The following PRKN variants were observed in gnomAD, a reference collection of about 807,000 sequenced individuals.
PRKN encodes parkin RBR E3 ubiquitin protein ligase.
In PRKN, 56 loss-of-function variants were observed where a neutral mutation model predicts 59.5. The observed-to-expected ratio is 0.94, with a 90% confidence interval of 0.76 to 1.18. PRKN has a LOEUF of 1.18. Ranked by LOEUF, PRKN falls within the 50% of genes most tolerant of loss-of-function variation. The pLI, the probability that PRKN is intolerant of heterozygous loss-of-function variation, is 0.00. For missense variants in PRKN, 657 were observed against 596.4 expected (o/e 1.10, Z -1.06); for synonymous variants, 250 against 222.1 (o/e 1.13, Z -1.12).
chr6:162,288,281 T>A (rs1461157022), intron 2 of PRKN, among the ~76,000 whole-genome samples: 1 of 152,034 alleles, frequency 6.6e-6, no homozygotes, highest in East Asian at 1.9e-4. Flanking sequence ...TAGGCAGCGG[T>A]CTAAGGTAGC....
intron 1 of PRKN, among the ~76,000 whole-genome samples, chr6:162,724,898 A>G (rs540416391): frequency 1.3e-5 from 2 of 152,352 alleles, no homozygotes; most frequent in South Asian, 2.1e-4. Flanking sequence ...CACCACAGAG[A>G]AGGTTATAGG....
rs1217136574 is a variant in PRKN at position 161,456,702 on chromosome 6, T to G, written c.1084-69825A>C. Among the ~76,000 whole-genome samples, 1 of 152,192 alleles carries G rather than the reference T, an allele frequency of 6.6e-6. No homozygotes were observed. Among genetic ancestry groups the G allele is most frequent in the African/African-American group, 2.4e-5 (1 of 41,436 alleles). On this transcript the variant is annotated intron_variant, in intron 9 of 11. Coordinates refer to ENST00000366898, the MANE Select transcript of PRKN (RefSeq NM_004562.3). The surrounding 1 kb of genome is among the most constrained non-coding windows in gnomAD (Gnocchi z 4.8). ...GCACTGAACTGTACCAAAAGAAAGC[T>G]GCTCTTTGGGTTTGCGAATGCTGAC...
rs1169177000 is a variant in PRKN, at chr6:161,388,968, A to G, written c.1084-2091T>C. On this transcript the variant is annotated intron_variant, in intron 9 of 11. Coordinates refer to ENST00000366898, the MANE Select transcript of PRKN (RefSeq NM_004562.3). The surrounding 1 kb of genome is among the most constrained non-coding windows in gnomAD (Gnocchi z 4.3). ...CTGATACAGTAATAAATAAGAATAT[A>G]ATATGCTGAAAGTAGTGTCTGGAAG... 6.6e-6 allele frequency among the ~76,000 whole-genome samples: 1 copy of G among 152,274 alleles called. No homozygotes were observed. The highest frequency in any genetic ancestry group is 1.5e-5 in the Non-Finnish European group (1 of 68,048).
At chr6:162,558,327 CTT>C (rs71278562) in intron 1 of PRKN, among the ~76,000 whole-genome samples, 12 of 132,736 alleles carry the variant, frequency 9.0e-5, no homozygotes, top group African/African-American at 2.5e-4. Context: ...TTAATTTTCC[CTT>C]TTTTTTTTTT....
intron 2 of PRKN, among the ~76,000 whole-genome samples, chr6:162,396,301 C>T (rs772845068): frequency 1.3e-5 from 2 of 152,176 alleles, no homozygotes; most frequent in Non-Finnish European, 2.9e-5. Flanking sequence ...ATGTGTTCCT[C>T]GTGTTTGAAC....
At chr6:162,363,131 CAAAAAAAAAA>C (rs34722234) in intron 2 of PRKN, among the ~76,000 whole-genome samples, 214 of 98,438 alleles carry the variant, frequency 2.2e-3, no homozygotes, top group African/African-American at 7.0e-3. Flanking sequence ...CCTTCTCAAA[CAAAAAAAAAA>C]AAAAAAAAAA....
chr6:162,479,774 A>C (rs1398899178), intron 1 of PRKN, among the ~76,000 whole-genome samples: 1 of 122,014 alleles, frequency 8.2e-6, no homozygotes, highest in East Asian at 2.8e-4. Context: ...TTTCTCAAAA[A>C]TAATTAGTAG....
At chr6:162,223,473 C>T (rs1378434775) in intron 3 of PRKN, among the ~76,000 whole-genome samples, 1 of 136,052 alleles carries the variant, frequency 7.4e-6, no homozygotes, top group African/African-American at 3.1e-5. Flanking sequence ...GGCTGGAACT[C>T]CTAGATATGC....
At chr6:162,663,581 T>C (rs1312725721) in intron 1 of PRKN, among the ~76,000 whole-genome samples, 4 of 150,818 alleles carry the variant, frequency 2.7e-5, no homozygotes, top group African/African-American at 7.5e-5. Flanking sequence ...AAAATTACTA[T>C]GATTAGATTA....
intron 2 of PRKN, among the ~76,000 whole-genome samples, chr6:162,357,476 A>G (rs982593238): frequency 1.3e-5 from 2 of 152,212 alleles, no homozygotes; most frequent in African/African-American, 4.8e-5. Flanking sequence ...AAAATTCAGA[A>G]CACTGAAAAC....
intron 1 of PRKN, among the ~76,000 whole-genome samples, chr6:162,447,964 T>A (rs1790402333): frequency 6.6e-6 from 1 of 152,112 alleles, no homozygotes; most frequent in Non-Finnish European, 1.5e-5. Flanking sequence ...CTGTCAAAGG[T>A]TCGGTGAAGT....
chr6:162,558,478 C>T (rs550299188), intron 1 of PRKN, among the ~76,000 whole-genome samples: 21 of 151,542 alleles, frequency 1.4e-4, no homozygotes, highest in Admixed American at 2.6e-4. Flanking sequence ...TACAGGCATG[C>T]GCCACCACAC....
At chr6:162,359,092 A>ATATATATATATATATC (rs1562699603) in intron 2 of PRKN, among the ~76,000 whole-genome samples, 1 of 144,264 alleles carries the variant, frequency 6.9e-6, no homozygotes, top group African/African-American at 2.6e-5. Flanking sequence ...ATATATATAT[A>ATATATATATATATATC]TATATGAAAT....
chr6:162,378,118 G>C (rs1191991147), intron 2 of PRKN, among the ~76,000 whole-genome samples: 1 of 152,164 alleles, frequency 6.6e-6, no homozygotes, highest in African/African-American at 2.4e-5. Context: ...TGTAAGGTAA[G>C]AGATAAAGAA....
At chr6:162,191,960 G>A (rs765073734) in intron 4 of PRKN, among the ~76,000 whole-genome samples, 2 of 152,094 alleles carry the variant, frequency 1.3e-5, no homozygotes, top group Non-Finnish European at 2.9e-5. Context: ...ACAGCATCAC[G>A]AACCAATAAA....
chr6:162,536,265 CTG>C (rs1778713632), intron 1 of PRKN, among the ~76,000 whole-genome samples: 1 of 152,062 alleles, frequency 6.6e-6, no homozygotes, highest in African/African-American at 2.4e-5. Context: ...TGTTGAAAAT[CTG>C]TGTTTCTGGA....
At chr6:161,946,386 T>TCACACACACACACACACACACACA (rs368190954) in intron 6 of PRKN, among the ~76,000 whole-genome samples, 1 of 113,444 alleles carries the variant, frequency 8.8e-6, no homozygotes, top group Admixed American at 9.3e-5. Context: ...TGCATGCACA[T>TCACACACACACACACACACACACA]CACACACACA....
chr6:161,788,516 A>G (rs930455104), intron 6 of PRKN, among the ~76,000 whole-genome samples: 3 of 152,208 alleles, frequency 2.0e-5, no homozygotes, highest in Admixed American at 1.3e-4. Context: ...ACACAGGAAG[A>G]GTCCTACTGA....
chr6:161,958,855 G>T (rs1338050820), intron 6 of PRKN, among the ~76,000 whole-genome samples: 6 of 150,128 alleles, frequency 4.0e-5, no homozygotes, highest in African/African-American at 1.2e-4. Flanking sequence ...CCTCTGAACT[G>T]GGCAACAAGA....
Sources: allele counts gnomAD v4.1 joint callset (sites outside exome capture counted in the v4.1 genomes callset), GRCh38; gene constraint gnomAD v4.1.1; non-coding constraint Gnocchi (gnomAD v3.1); transcripts MANE v1.5; gene names NCBI Gene and HGNC (gene_info 2026-07-23, HGNC 2026-07-21).